Variants in KIAA0232 observed in about 807,000 individuals in gnomAD.
KIAA0232 encodes the protein uncharacterized protein KIAA0232.
In KIAA0232, 27 loss-of-function variants were observed where a neutral mutation model predicts 122.0. The observed-to-expected ratio is 0.22, with a 90% CI of 0.16 to 0.31. The LOEUF (loss-of-function observed/expected upper bound fraction) is 0.31, where lower values mean the gene tolerates loss of function less well. Ranked by LOEUF, KIAA0232 falls within the 10% of genes least tolerant of loss-of-function variation. The pLI, the probability that KIAA0232 is intolerant of heterozygous loss-of-function variation, is 1.00. For missense variants in KIAA0232, 1,551 were observed against 1,634.2 expected (o/e 0.95, Z 0.88); for synonymous variants, 613 against 587.6 (o/e 1.04, Z -0.63).
At chr4:6,792,651 G>A in intron 1 of KIAA0232, among the ~76,000 whole-genome samples, 1 of 150,168 alleles carries the variant, frequency 6.7e-6, no homozygotes, top group Non-Finnish European at 1.5e-5. Context: ...TTGCTTCAGT[G>A]ATCTGCTGTT....
intron 3 of KIAA0232, among the ~76,000 whole-genome samples, chr4:6,834,015 C>A (rs1719132616): frequency 1.3e-5 from 2 of 152,054 alleles, no homozygotes; most frequent in South Asian, 4.1e-4. Context: ...GTTCTAACCC[C>A]ACCTTCTTCA....
At chr4:6,782,996 G>T (rs1716414738) in intron 1 of KIAA0232, among the ~76,000 whole-genome samples, 155 bp downstream of exon 1, 1 of 151,270 alleles carries the variant, frequency 6.6e-6, no homozygotes, top group African/African-American at 2.4e-5. Context: ...CAGCCCAAGG[G>T]AGACAGGGCC....
intron 3 of KIAA0232, among the ~76,000 whole-genome samples, chr4:6,840,743 C>T (rs1230628550): frequency 4.1e-5 from 6 of 147,928 alleles, no homozygotes; most frequent in African/African-American, 1.5e-4. Context: ...TTTTGAGACA[C>T]TCCTAACCTC....
In KIAA0232 at chr4:6,871,055, C is replaced by T. The variant is rs564705155; in HGVS notation, c.3802-519C>T. Among the ~76,000 whole-genome samples, 20 of 152,300 alleles carry T rather than the reference C, an allele frequency of 1.3e-4. 1 individual carries two copies. Among genetic ancestry groups the T allele is most frequent in the African/African-American group, 4.3e-4 (18 of 41,556 alleles). The stretch of plus-strand genomic sequence containing the variant: ...TTAAGATTTTCATGTCGCTTCCCAT[C>T]TAAGTACTTCTTAAGCAATACTTTC... On this transcript the variant is annotated intron_variant, in intron 7 of 9. Coordinates refer to ENST00000307659, the MANE Select transcript of KIAA0232 (RefSeq NM_014743.3).
chr4:6,797,949 T>C (rs898899219), intron 1 of KIAA0232, among the ~76,000 whole-genome samples: 1 of 150,520 alleles, frequency 6.6e-6, no homozygotes, highest in Non-Finnish European at 1.5e-5. Flanking sequence ...TCCCAGCTAC[T>C]TGGGAGGCTG....
chr4:6,783,554 C>T (rs971968422), intron 1 of KIAA0232, among the ~76,000 whole-genome samples: 1 of 152,124 alleles, frequency 6.6e-6, no homozygotes, highest in African/African-American at 2.4e-5. Flanking sequence ...CGCGTTCCCT[C>T]CGTTCCCCTC....
chr4:6,831,271 G>T (rs1395649711), intron 3 of KIAA0232, among the ~76,000 whole-genome samples: 1 of 151,984 alleles, frequency 6.6e-6, no homozygotes, highest in African/African-American at 2.4e-5. Flanking sequence ...GGTCAGGCTG[G>T]TCTCGAAGTC....
intron 3 of KIAA0232, among the ~76,000 whole-genome samples, chr4:6,833,402 A>G (rs1719098630): frequency 6.6e-6 from 1 of 151,976 alleles, no homozygotes; most frequent in African/African-American, 2.4e-5. Context: ...GAATTATTCC[A>G]TGCTATTACT....
chr4:6,846,100 T>TAAA (rs34790054), intron 4 of KIAA0232, among the ~76,000 whole-genome samples: 3,891 of 149,846 alleles, frequency 0.026, 76 homozygotes, highest in African/African-American at 0.05. Context: ...TCATTTTATT[T>TAAA]AAAAAAAAAA....
At chr4:6,825,919 C>T (rs1718655068) in intron 3 of KIAA0232, among the ~76,000 whole-genome samples, 1 of 152,114 alleles carries the variant, frequency 6.6e-6, no homozygotes, top group Admixed American at 6.6e-5. Flanking sequence ...CTTCAAAGTC[C>T]TATAAATAAC....
At chr4:6,833,156 G>A (rs1026217248) in intron 3 of KIAA0232, among the ~76,000 whole-genome samples, 7 of 152,116 alleles carry the variant, frequency 4.6e-5, no homozygotes, top group Non-Finnish European at 8.8e-5. Context: ...TTAACAATAG[G>A]AACTGTAAAA....
chr4:6,815,688 T>C (rs1299225162), intron 2 of KIAA0232, among the ~76,000 whole-genome samples: 1 of 152,210 alleles, frequency 6.6e-6, no homozygotes, highest in Non-Finnish European at 1.5e-5. Flanking sequence ...ACTTTCTTTT[T>C]CTTTCTTTTC....
chr4:6,806,501 G>A (rs916121828), intron 2 of KIAA0232, among the ~76,000 whole-genome samples: 3 of 151,974 alleles, frequency 2.0e-5, no homozygotes, highest in African/African-American at 7.2e-5. Context: ...TTGGGAGGCC[G>A]AGGCGGGTGG....
intron 1 of KIAA0232, among the ~76,000 whole-genome samples, chr4:6,802,006 T>G (rs1717405464): frequency 6.6e-6 from 1 of 152,218 alleles, no homozygotes; most frequent in Admixed American, 6.5e-5. Flanking sequence ...AAGGGGCCCT[T>G]GATCCTGATA....
At chr4:6,787,934 C>G (rs1241095692) in intron 1 of KIAA0232, among the ~76,000 whole-genome samples, 1 of 152,196 alleles carries the variant, frequency 6.6e-6, no homozygotes, top group Non-Finnish European at 1.5e-5. Flanking sequence ...CCACACTCCT[C>G]CCCTGGTTGA....
chr4:6,846,826 C>T (rs903665201), intron 4 of KIAA0232, among the ~76,000 whole-genome samples: 1 of 152,038 alleles, frequency 6.6e-6, no homozygotes, highest in Non-Finnish European at 1.5e-5. Context: ...AATTATAATG[C>T]ACAATTTTAT....
At chr4:6,786,733 C>T (rs139621067) in intron 1 of KIAA0232, among the ~76,000 whole-genome samples, 1 of 152,242 alleles carries the variant, frequency 6.6e-6, no homozygotes, top group Non-Finnish European at 1.5e-5. Context: ...CACATAATCA[C>T]ATAAGTGGTA....
At chr4:6,827,979 C>T (rs1312317399) in intron 3 of KIAA0232, among the ~76,000 whole-genome samples, 3 of 151,990 alleles carry the variant, frequency 2.0e-5, no homozygotes, top group African/African-American at 7.3e-5. Flanking sequence ...CTGCTTTTCT[C>T]ACCCATCTTT....
rs772446298 is a variant in KIAA0232, at chr4:6,861,090, C to A, written c.708C>A (p.Ser236Arg). The A allele has an allele frequency of 6.2e-7, 1 of 1,614,160 alleles. No individual in the cohort carries two copies. Among genetic ancestry groups the A allele is most frequent in the Non-Finnish European group, 8.5e-7 (1 of 1,180,018 alleles). ...NSESEVTKER[S>R]SEVPTTVHEK... is the part of the protein sequence containing the mutation. ...AAAGTGAAGTCACCAAGGAAAGAAGCAGTGAAGTACCCACCACTGTGCATG... is the reference window on the plus strand; with the variant it reads ...AAAGTGAAGTCACCAAGGAAAGAAGAAGTGAAGTACCCACCACTGTGCATG... Residue 236 changes from serine (S) to arginine (R), a missense_variant, in exon 7 of 10, where the codon AGC becomes AGA. Transcript: ENST00000307659.
Sources: gnomAD v4.1 joint callset for allele counts (sites outside exome capture counted in the v4.1 genomes callset) on GRCh38, gnomAD v4.1.1 for gene constraint, MANE v1.5 for transcripts, NCBI Gene and HGNC (gene_info 2026-07-23, HGNC 2026-07-21) for gene names.